The following BABAM2 variants were observed in gnomAD, a reference collection of about 807,000 sequenced individuals.
The protein encoded by BABAM2 is BRISC and BRCA1-A complex member 2.
In BABAM2, 31 loss-of-function variants were observed where a neutral mutation model predicts 54.7. The observed-to-expected ratio is 0.57, with a 90% CI of 0.43 to 0.77. The LOEUF (loss-of-function observed/expected upper bound fraction) is 0.77. Among genes scored for constraint, BABAM2 ranks in the 30% least tolerant of loss-of-function variants. The probability of loss-of-function intolerance (pLI) is 0.00; values close to 1 mark genes in which losing one functional copy is unlikely to be tolerated. For missense variants in BABAM2, 364 were observed against 455.8 expected (o/e 0.80, Z 1.83); for synonymous variants, 167 against 162.9 (o/e 1.03, Z -0.19).
chr2:28,177,709 A>G (rs1176486216), intron 7 of BABAM2, among the ~76,000 whole-genome samples: 20 of 147,130 alleles, frequency 1.4e-4, no homozygotes, highest in African/African-American at 2.2e-4. Flanking sequence ...GAATGGACAA[A>G]AAAAAAAAAA....
intron 3 of BABAM2, among the ~76,000 whole-genome samples, chr2:27,962,887 A>G (rs1670571718): frequency 1.3e-5 from 2 of 152,244 alleles, no homozygotes; most frequent in African/African-American, 4.8e-5. Context: ...ATCATTAAAA[A>G]GAATATTATC....
intron 3 of BABAM2, among the ~76,000 whole-genome samples, chr2:27,963,823 A>G (rs1387741920): frequency 3.9e-5 from 6 of 152,326 alleles, no homozygotes; most frequent in Non-Finnish European, 8.8e-5. Flanking sequence ...GTTTTATTCA[A>G]CATTTTTCTG....
chr2:28,000,452 A>G (rs1673499683), intron 4 of BABAM2, among the ~76,000 whole-genome samples: 1 of 152,126 alleles, frequency 6.6e-6, no homozygotes. Context: ...ATCACATATC[A>G]AGTCATATTG....
chr2:28,030,627 T>C (rs1208115947), intron 5 of BABAM2, among the ~76,000 whole-genome samples: 1 of 152,220 alleles, frequency 6.6e-6, no homozygotes, highest in Admixed American at 6.5e-5. Flanking sequence ...AGGAAAAATA[T>C]AGACCAAGAG....
At chr2:27,890,491 C>T, upstream of BABAM2, 3 of 675,400 alleles carry the variant, frequency 4.4e-6, no homozygotes, top group East Asian at 8.2e-5. This position sits in a 1 kb window ranked among gnomAD's most constrained non-coding sequence, Gnocchi z 4.8. Context: ...CCGAAATCAC[C>T]CCGCCCACCA....
chr2:28,060,672 A>G (rs1266573655), intron 6 of BABAM2, among the ~76,000 whole-genome samples: 1 of 152,222 alleles, frequency 6.6e-6, no homozygotes, highest in Non-Finnish European at 1.5e-5. Context: ...TATAAAATCA[A>G]TTATATTTCT....
chr2:28,149,963 T>C (rs1372274795), intron 7 of BABAM2, among the ~76,000 whole-genome samples: 1 of 152,226 alleles, frequency 6.6e-6, no homozygotes, highest in East Asian at 1.9e-4. Context: ...TTTTACATAG[T>C]ATCTTTTCAT....
rs148204251 is a variant in BABAM2, at chr2:28,336,525, G to A, written c.1089-1925G>A. Among the ~76,000 whole-genome samples, 144 of 152,298 alleles carry A rather than the reference G, an allele frequency of 9.5e-4. 1 individual carries two copies. The highest frequency in any genetic ancestry group is 6.4e-3 in the Admixed American group (98 of 15,300). On this transcript the variant is annotated intron_variant, in intron 11 of 11. Coordinates refer to ENST00000379624, the MANE Select transcript of BABAM2 (RefSeq NM_199191.3). ...CCCACCTTGCTCTGTGTGACCCCAA[G>A]GATGATGGCGCCTGGGAGTGCCGAA...
chr2:28,320,126 C>T (rs1479245264), intron 11 of BABAM2, among the ~76,000 whole-genome samples: 1 of 152,226 alleles, frequency 6.6e-6, no homozygotes, highest in Non-Finnish European at 1.5e-5. Flanking sequence ...TTGAAAGACT[C>T]CTGTCCTACC....
At chr2:27,937,997 AG>A (rs1448401175) in intron 3 of BABAM2, among the ~76,000 whole-genome samples, 1 of 152,176 alleles carries the variant, frequency 6.6e-6, no homozygotes, top group African/African-American at 2.4e-5. Context: ...ATGAAAGGTA[AG>A]GGCTAGTGTT....
intron 7 of BABAM2, among the ~76,000 whole-genome samples, chr2:28,176,293 G>A (rs1674933005): frequency 1.3e-5 from 2 of 152,052 alleles, no homozygotes; most frequent in African/African-American, 2.4e-5. Context: ...TCACTGGCCA[G>A]GCACGGTGAC....
rs1455298438 is a variant in BABAM2 at position 28,304,992 on chromosome 2, TAAAC to T, written c.1088+6503_1088+6506del. 6.6e-6 allele frequency among the ~76,000 whole-genome samples: 1 copy of T among 152,220 alleles called. No homozygotes were observed. Among genetic ancestry groups the T allele is most frequent in the Non-Finnish European group, 1.5e-5 (1 of 68,040 alleles). ...CACGCCCAGCCTGCAATTTCTTACA[TAAAC>T]AGTCACGCCTTATGCTAACAGCTTT... On this transcript the variant is annotated intron_variant, in intron 11 of 11. Transcript: ENST00000379624. This position sits in a 1 kb window ranked among gnomAD's most constrained non-coding sequence, Gnocchi z 4.0.
chr2:28,235,745 C>T (rs1681848739), intron 7 of BABAM2, among the ~76,000 whole-genome samples: 1 of 152,306 alleles, frequency 6.6e-6, no homozygotes, highest in South Asian at 2.1e-4. Flanking sequence ...CAACCTCTGC[C>T]TCCAAGTTCA....
chr2:27,915,107 G>A (rs1003844796), intron 2 of BABAM2, among the ~76,000 whole-genome samples: 7 of 152,084 alleles, frequency 4.6e-5, no homozygotes, highest in African/African-American at 1.7e-4. Flanking sequence ...TTACTGCTCT[G>A]ATTAAGTCTT....
chr2:28,260,403 G>A (rs1684400534), intron 10 of BABAM2, among the ~76,000 whole-genome samples: 1 of 148,784 alleles, frequency 6.7e-6, no homozygotes, highest in Non-Finnish European at 1.5e-5. Context: ...CCGGGTTCAG[G>A]TGATTCTCCT....
intron 7 of BABAM2, among the ~76,000 whole-genome samples, chr2:28,191,156 A>G (rs1022335967): frequency 1.3e-5 from 2 of 152,238 alleles, no homozygotes; most frequent in Non-Finnish European, 2.9e-5. Context: ...AAAAGATTTG[A>G]ACAAATACGT....
chr2:28,196,321 C>CGTCTCAAAAAAAAAAAAA (rs1360883175), intron 7 of BABAM2, among the ~76,000 whole-genome samples: 5 of 107,678 alleles, frequency 4.6e-5, no homozygotes, highest in Non-Finnish European at 9.8e-5. Context: ...AGCAAGACTC[C>CGTCTCAAAAAAAAAAAAA]ATATAAAAAA....
intron 7 of BABAM2, among the ~76,000 whole-genome samples, chr2:28,178,918 AT>A: frequency 6.6e-6 from 1 of 152,116 alleles, no homozygotes; most frequent in Non-Finnish European, 1.5e-5. Flanking sequence ...GGACACATAC[AT>A]ACCTACCAAG....
chr2:28,118,366 A>G (rs1203506589), intron 6 of BABAM2, among the ~76,000 whole-genome samples: 2 of 151,998 alleles, frequency 1.3e-5, no homozygotes, highest in East Asian at 3.9e-4. Context: ...TTTCTCCACA[A>G]CCTCGCCAGC....
Sources: gnomAD v4.1 joint callset for allele counts (sites outside exome capture counted in the v4.1 genomes callset) on GRCh38, gnomAD v4.1.1 for gene constraint, Gnocchi (gnomAD v3.1) non-coding constraint, MANE v1.5 for transcripts, NCBI Gene and HGNC (gene_info 2026-07-23, HGNC 2026-07-21) for gene names.